Variants in RBMS1 observed in about 807,000 individuals in gnomAD.
RBMS1 encodes the protein RNA binding motif single stranded interacting protein 1.
In RBMS1, 17 loss-of-function variants were observed where a neutral mutation model predicts 62.3. That is an observed-to-expected ratio of 0.27 (90% CI 0.19 to 0.41). The LOEUF is 0.41. RBMS1 is among the 10% of genes least tolerant of loss of function. The pLI, the probability that RBMS1 is intolerant of heterozygous loss-of-function variation, is 1.00. For synonymous variants in RBMS1, 172 were observed against 170.0 expected (o/e 1.01, Z -0.09); for missense variants, 334 against 504.5 (o/e 0.66, Z 3.24).
intron 1 of RBMS1, among the ~76,000 whole-genome samples, chr2:160,418,321 T>A (rs1696285130): frequency 6.6e-6 from 1 of 152,192 alleles, no homozygotes; most frequent in Admixed American, 6.5e-5. Context: ...CTGATGAGCC[T>A]CACAAATTTC....
At chr2:160,455,206 G>C (rs188961866) in intron 1 of RBMS1, among the ~76,000 whole-genome samples, 114 of 152,294 alleles carry the variant, frequency 7.5e-4, no homozygotes, top group South Asian at 1.5e-3. Context: ...TACTTCAGTT[G>C]AAAACCTGGC....
chr2:160,454,371 C>T (rs568848445), intron 1 of RBMS1, among the ~76,000 whole-genome samples: 2 of 152,220 alleles, frequency 1.3e-5, no homozygotes, highest in South Asian at 4.1e-4. Flanking sequence ...GCTAAAGATA[C>T]TAAAGAAACA....
At chr2:160,422,921 A>G (rs1696490356) in intron 1 of RBMS1, among the ~76,000 whole-genome samples, 1 of 152,092 alleles carries the variant, frequency 6.6e-6, no homozygotes, top group African/African-American at 2.4e-5. Context: ...TTAATTCCAA[A>G]CCTTTTAGTT....
chr2:160,444,688 G>A (rs1248362281), intron 1 of RBMS1, among the ~76,000 whole-genome samples: 1 of 152,202 alleles, frequency 6.6e-6, no homozygotes, highest in African/African-American at 2.4e-5. Flanking sequence ...ACTGTATTTG[G>A]AGACAGGGGC....
At chr2:160,439,031 T>A (rs10171722) in intron 1 of RBMS1, among the ~76,000 whole-genome samples, 1 of 140,430 alleles carries the variant, frequency 7.1e-6, no homozygotes, top group East Asian at 2.2e-4. Context: ...CCCCCCAATC[T>A]CCCTCCTGGA....
intron 2 of RBMS1, among the ~76,000 whole-genome samples, chr2:160,358,003 G>A (rs1470970928): frequency 6.6e-6 from 1 of 152,086 alleles, no homozygotes; most frequent in Admixed American, 6.6e-5. Flanking sequence ...TGTACATAAA[G>A]TATTACTTAA....
chr2:160,372,814 A>T (rs1425985495), intron 1 of RBMS1, among the ~76,000 whole-genome samples: 1 of 152,164 alleles, frequency 6.6e-6, no homozygotes, highest in Non-Finnish European at 1.5e-5. Context: ...GAGAGGGGTG[A>T]GAAACTGGCC....
intron 1 of RBMS1, among the ~76,000 whole-genome samples, chr2:160,449,315 A>G (rs1256552978): frequency 6.6e-6 from 1 of 152,020 alleles, no homozygotes; most frequent in Admixed American, 6.5e-5. Flanking sequence ...CCGCCACCCC[A>G]TCTGGGAGGT....
intron 1 of RBMS1, among the ~76,000 whole-genome samples, chr2:160,454,670 T>C (rs1268367759): frequency 6.6e-6 from 1 of 151,844 alleles, no homozygotes; most frequent in Non-Finnish European, 1.5e-5. Flanking sequence ...AGAAGAGGAG[T>C]GGCGAGCCAA....
At chr2:160,340,276 A>T (rs1327394937) in intron 2 of RBMS1, among the ~76,000 whole-genome samples, 2 of 152,216 alleles carry the variant, frequency 1.3e-5, no homozygotes, top group Non-Finnish European at 2.9e-5. Context: ...ATTTGAAAAC[A>T]TCTCTAATTC....
chr2:160,374,028 T>C (rs1401170626), intron 1 of RBMS1, among the ~76,000 whole-genome samples: 1 of 152,068 alleles, frequency 6.6e-6, no homozygotes, highest in Non-Finnish European at 1.5e-5. Flanking sequence ...ATCCCAGCAC[T>C]TTGGGAGGCC....
intron 2 of RBMS1, among the ~76,000 whole-genome samples, chr2:160,322,420 C>T (rs1690610988): frequency 6.6e-6 from 1 of 152,102 alleles, no homozygotes; most frequent in Admixed American, 6.5e-5. Context: ...AAACACGTGG[C>T]TTATGGTTGA....
At chr2:160,404,380 A>G (rs1695586322) in intron 1 of RBMS1, among the ~76,000 whole-genome samples, 1 of 151,780 alleles carries the variant, frequency 6.6e-6, no homozygotes, top group African/African-American at 2.4e-5. Flanking sequence ...AAACTAGCTC[A>G]CTCCTACACA....
intron 6 of RBMS1, among the ~76,000 whole-genome samples, chr2:160,296,955 A>G (rs1485935504): frequency 1.3e-5 from 2 of 152,152 alleles, no homozygotes; most frequent in African/African-American, 4.8e-5. Flanking sequence ...TGGTGAACCC[A>G]CTTGACACTC....
intron 1 of RBMS1, among the ~76,000 whole-genome samples, chr2:160,488,400 A>AC (rs1685687007): frequency 6.6e-6 from 1 of 152,188 alleles, no homozygotes; most frequent in East Asian, 1.9e-4. Flanking sequence ...ACGTAGTGAA[A>AC]CCCCGTCTCT....
chr2:160,379,596 G>A (rs1032287886), intron 1 of RBMS1, among the ~76,000 whole-genome samples: 1 of 152,170 alleles, frequency 6.6e-6, no homozygotes, highest in South Asian at 2.1e-4. Flanking sequence ...GTGGTAAGCA[G>A]GATCTGGGAA....
intron 5 of RBMS1, among the ~76,000 whole-genome samples, chr2:160,302,989 T>C (rs982833758): frequency 3.3e-5 from 5 of 152,318 alleles, no homozygotes; most frequent in Admixed American, 1.3e-4. Flanking sequence ...AGAAAAAACA[T>C]ACTGATTTAT....
rs973200991 is a variant in RBMS1, at chr2:160,306,619, T to TA, written c.403-3133dup. Among the ~76,000 whole-genome samples the TA allele has an allele frequency of 4.8e-4, 70 of 144,780 alleles. 1 individual carries two copies. Among genetic ancestry groups the TA allele is most frequent in the African/African-American group, 8.1e-4 (32 of 39,718 alleles). The allele number at this position is 144,780 out of a possible 152,430, so 95.0% of individuals were successfully genotyped here. A position where few individuals can be genotyped will look rare whatever the true frequency, so the allele number is the denominator to read the frequency against. On this transcript the variant is annotated intron_variant, in intron 4 of 13. Coordinates refer to ENST00000348849, the MANE Select transcript of RBMS1 (RefSeq NM_016836.4). Reference sequence around the variant, plus strand: ...CATTGTCCACAAAGTTGCAGTAATTTAAAAAAAAAAAAGAATGGAAAGAAA... The same window carrying TA: ...CATTGTCCACAAAGTTGCAGTAATTTAAAAAAAAAAAAAGAATGGAAAGAAA...
intron 1 of RBMS1, among the ~76,000 whole-genome samples, chr2:160,451,158 G>A (rs80017665): frequency 1.3e-4 from 17 of 128,038 alleles, no homozygotes; most frequent in Admixed American, 4.2e-4. Flanking sequence ...CCATGCTTCA[G>A]AAAAAAAAAA....
Sources: allele counts gnomAD v4.1 joint callset (sites outside exome capture counted in the v4.1 genomes callset), GRCh38; gene constraint gnomAD v4.1.1; transcripts MANE v1.5; gene names NCBI Gene and HGNC (gene_info 2026-07-23, HGNC 2026-07-21).